Variants in MINDY4B observed in about 807,000 individuals in gnomAD.
The protein encoded by MINDY4B is MINDY family member 4B.
In MINDY4B, 25 loss-of-function variants were observed where a neutral mutation model predicts 16.7. The observed-to-expected ratio is 1.49, with a 90% confidence interval of 1.09 to 2.09. The LOEUF is 2.09. Among genes scored for constraint, MINDY4B ranks in the 30% most tolerant of loss-of-function variants. The pLI is 0.00. For missense variants in MINDY4B, 327 were observed against 168.4 expected (o/e 1.94, Z -5.21); for synonymous variants, 132 against 61.9 (o/e 2.13, Z -5.32).
At chr3:150,890,407 TA>T in intron 6 of MINDY4B, 22 bp from the exon 7 acceptor site, 1 of 608,650 alleles carries the variant, frequency 1.6e-6, no homozygotes, top group Non-Finnish European at 2.9e-6. Flanking sequence ...GAACAGAAGA[TA>T]AAAATGAAAA....
chr3:150,893,659 G>T (rs908705585), intron 4 of MINDY4B, among the ~76,000 whole-genome samples: 6 of 134,756 alleles, frequency 4.5e-5, no homozygotes, highest in South Asian at 2.5e-4. Context: ...CCTCCATCTT[G>T]CCTTCACCAT....
intron 7 of MINDY4B, among the ~76,000 whole-genome samples, chr3:150,886,869 T>C (rs895116460): frequency 1.3e-5 from 2 of 152,204 alleles, no homozygotes; most frequent in African/African-American, 2.4e-5. Flanking sequence ...TTTAACTTGA[T>C]CATCTGCAAA....
chr3:150,890,367 A>C lies in MINDY4B; in HGVS notation c.706T>G (p.Leu236Val). Residue 236 changes from leucine (L) to valine (V), a missense_variant, in exon 7 of 12, where the codon TTA (leucine) becomes GTA (valine). By Grantham distance (32) the Leu-to-Val change is conservative (BLOSUM62 1). Coordinates refer to ENST00000465419, the MANE Select transcript of MINDY4B (RefSeq NM_001351281.2). The stretch of plus-strand genomic sequence containing the variant: ...AATTTCTCAGCGGCTTCTTTCTCTA[A>C]AAATTCAAACAGCTGGAGCTATAAA... ...FTERLQLFEF[L>V]EKEAAEKFIY... 1 of 636,752 alleles carries C rather than the reference A, an allele frequency of 1.6e-6. No homozygotes were observed. The highest frequency in any genetic ancestry group is 1.8e-5 in the South Asian group (1 of 56,068). The allele number at this position is 636,752 out of a possible 1,614,324, so 39.4% of individuals were successfully genotyped here.
At chr3:150,880,964 A>G (rs958098734) in intron 10 of MINDY4B, among the ~76,000 whole-genome samples, 3 of 152,254 alleles carry the variant, frequency 2.0e-5, no homozygotes, top group African/African-American at 7.2e-5. Context: ...AGTCAATTTT[A>G]AGATGAATTC....
intron 7 of MINDY4B, among the ~76,000 whole-genome samples, chr3:150,886,250 G>C (rs1444180350): frequency 6.6e-6 from 1 of 152,180 alleles, no homozygotes; most frequent in Non-Finnish European, 1.5e-5. Context: ...TCCCTGGCTG[G>C]CTTTCTAGGT....
intron 3 of MINDY4B, among the ~76,000 whole-genome samples, chr3:150,902,943 T>C (rs957934657): frequency 6.6e-6 from 1 of 152,102 alleles, no homozygotes; most frequent in Non-Finnish European, 1.5e-5. Context: ...ACTTAGAGAG[T>C]CTGTCCTATC....
intron 3 of MINDY4B, among the ~76,000 whole-genome samples, chr3:150,896,718 C>T (rs929627459): frequency 1.4e-4 from 22 of 152,310 alleles, no homozygotes; most frequent in African/African-American, 4.8e-4. Flanking sequence ...CACAAAAGTC[C>T]TGTGATGTGA....
intron 11 of MINDY4B, among the ~76,000 whole-genome samples, chr3:150,872,850 C>T (rs1278369830): frequency 1.3e-5 from 2 of 152,186 alleles, no homozygotes; most frequent in South Asian, 2.1e-4. Context: ...ATTATTTCCT[C>T]AGGTATTAGC....
chr3:150,887,548 A>AT (rs1361681626), intron 7 of MINDY4B, among the ~76,000 whole-genome samples: 2 of 152,226 alleles, frequency 1.3e-5, no homozygotes, highest in African/African-American at 2.4e-5. Flanking sequence ...ACATTCAAGA[A>AT]TATAGGCCCT....
intron 8 of MINDY4B, among the ~76,000 whole-genome samples, chr3:150,884,968 C>G (rs1404599799): frequency 1.3e-5 from 2 of 152,230 alleles, no homozygotes; most frequent in Non-Finnish European, 2.9e-5. Context: ...ATCTTCTCTT[C>G]TTTGTACTTT....
chr3:150,885,814 C>T (rs1311364480), intron 7 of MINDY4B, among the ~76,000 whole-genome samples: 2 of 152,150 alleles, frequency 1.3e-5, no homozygotes, highest in Non-Finnish European at 2.9e-5. Flanking sequence ...TTCCTCATTG[C>T]CCCGTTAAAC....
At chr3:150,890,735 A>G (rs1039382489) in intron 6 of MINDY4B, 2 of 525,356 alleles carry the variant, frequency 3.8e-6, no homozygotes, top group African/African-American at 3.8e-5. Flanking sequence ...GTCCTGGTGA[A>G]TTCCATAGCA....
chr3:150,901,522 CTTT>C (rs10556676), intron 3 of MINDY4B: 4 of 134,972 alleles, frequency 3.0e-5, no homozygotes, highest in South Asian at 2.4e-4. Context: ...CTTTTCTTTT[CTTT>C]TTTTTTTTTT....
chr3:150,900,411 C>A (rs1359401748), intron 3 of MINDY4B, among the ~76,000 whole-genome samples: 1 of 152,220 alleles, frequency 6.6e-6, no homozygotes, highest in Non-Finnish European at 1.5e-5. Context: ...AAAAGGATTT[C>A]TGGAGTGGTA....
chr3:150,882,757 G>C lies in MINDY4B; in HGVS notation c.1059+140C>G, dbSNP rs1334350836. The C allele has an allele frequency of 9.3e-6, 4 of 431,144 alleles. No individual in the cohort carries two copies. In the Admixed American group the frequency reaches 1.6e-4, roughly 18 times the overall value. The allele number at this position is 431,144 out of a possible 1,614,324, so 26.7% of individuals were successfully genotyped here. On this transcript the variant is annotated intron_variant, in intron 10 of 11. Coordinates refer to ENST00000465419, the MANE Select transcript of MINDY4B (RefSeq NM_001351281.2). ...TCTGTGGAAATTTCCCTGAATGTCT[G>C]TGTGTGGCAGGAGGGAGGTACACAG... is the stretch of plus-strand genomic sequence containing the variant.
chr3:150,897,114 G>T (rs1034419404), intron 3 of MINDY4B, among the ~76,000 whole-genome samples: 1 of 152,036 alleles, frequency 6.6e-6, no homozygotes, highest in Non-Finnish European at 1.5e-5. Context: ...GTAACTCAAG[G>T]ATATGTAACA....
intron 11 of MINDY4B, among the ~76,000 whole-genome samples, chr3:150,871,605 T>C (rs1399184286): frequency 6.6e-6 from 1 of 150,746 alleles, no homozygotes; most frequent in Non-Finnish European, 1.5e-5. Flanking sequence ...TCCCAGTACT[T>C]TGGGGGGCTG....
chr3:150,903,343 C>T lies in MINDY4B; in HGVS notation c.215G>A (p.Gly72Glu), dbSNP rs1712160274. 2.5e-6 allele frequency: 1 copy of T among 398,442 alleles called. No individual in the cohort carries two copies. Among genetic ancestry groups the T allele is most frequent in the South Asian group, 1.3e-4 (1 of 7,862 alleles). 24.7% of individuals were successfully genotyped at this position (398,442 alleles called of 1,614,324 possible). The change falls in exon 3 of 12, where the codon GGA becomes GAA. Residue 72 changes from glycine (G) to glutamate (E), a missense_variant. Coordinates refer to ENST00000465419, the MANE Select transcript of MINDY4B (RefSeq NM_001351281.2). ...GTGLSQPKGQ[G>E]HLPSSGLCSI... is the part of the protein sequence containing the mutation. ...ACAAAGGCCACTTGATGGCAAATGTCCTTGTCCTTTGGGCTGAGATAGTCC... is the reference window on the plus strand; with the variant it reads ...ACAAAGGCCACTTGATGGCAAATGTTCTTGTCCTTTGGGCTGAGATAGTCC...
chr3:150,897,640 G>A (rs967936676), intron 3 of MINDY4B, among the ~76,000 whole-genome samples: 3 of 152,170 alleles, frequency 2.0e-5, no homozygotes, highest in Admixed American at 6.5e-5. Context: ...CCCAGGGGCC[G>A]GTTTAAGGTT....
Sources: allele counts gnomAD v4.1 joint callset (sites outside exome capture counted in the v4.1 genomes callset), GRCh38; gene constraint gnomAD v4.1.1; transcripts MANE v1.5; gene names NCBI Gene and HGNC (gene_info 2026-07-23, HGNC 2026-07-21).